The following KIAA1328 variants were observed in gnomAD, a reference collection of about 807,000 sequenced individuals.
KIAA1328 encodes protein hinderin.
KIAA1328 carries 52 observed loss-of-function variants against 68.1 expected under a neutral mutation model. The ratio of observed to expected loss-of-function variants is 0.76; its 90% CI spans 0.61 to 0.96. KIAA1328 has a LOEUF of 0.96. KIAA1328 is among the 40% of genes least tolerant of loss of function. The pLI, the probability that KIAA1328 is intolerant of heterozygous loss-of-function variation, is 0.00. For synonymous variants in KIAA1328, 232 were observed against 239.4 expected, an observed-to-expected ratio of 0.97 and a Z score of 0.28; for missense variants, 641 against 677.6, an observed-to-expected ratio of 0.95 and a Z score of 0.60.
intron 5 of KIAA1328, among the ~76,000 whole-genome samples, chr18:36,907,385 A>G (rs1249823915): frequency 6.6e-6 from 1 of 152,068 alleles, no homozygotes; most frequent in Non-Finnish European, 1.5e-5. Flanking sequence ...TGGAAAAGCA[A>G]ATTACTCTCT....
chr18:36,834,112 A>C (rs1442395949), intron 1 of KIAA1328: 37 of 773,656 alleles, frequency 4.8e-5, no homozygotes, highest in African/African-American at 7.2e-5. Context: ...CTTTTAGAGA[A>C]TATTAATTTT....
intron 7 of KIAA1328, among the ~76,000 whole-genome samples, chr18:37,076,841 A>G (rs532422871): frequency 6.6e-6 from 1 of 152,232 alleles, no homozygotes; most frequent in East Asian, 1.9e-4. Context: ...GGCAATAATC[A>G]ATAGCTTACC....
intron 7 of KIAA1328, among the ~76,000 whole-genome samples, chr18:37,103,834 ACACACT>A (rs1427595705): frequency 6.6e-6 from 1 of 151,532 alleles, no homozygotes; most frequent in Non-Finnish European, 1.5e-5. Flanking sequence ...ACACACACAC[ACACACT>A]CCCATCTAAA....
chr18:36,879,451 G>T (rs571976737), intron 4 of KIAA1328, among the ~76,000 whole-genome samples: 1 of 152,038 alleles, frequency 6.6e-6, no homozygotes, highest in South Asian at 2.1e-4. Context: ...TATATGAGGT[G>T]TCTGTCAACC....
Position 37,223,643 on chromosome 18 carries a change from C to T in KIAA1328, c.*1416C>T. Reference sequence around the variant, plus strand: ...GTGTTGGTAGACAAAGTCATACCACCCAGGGCAGCCTGCATGCAGCGAGTC... The same window carrying T: ...GTGTTGGTAGACAAAGTCATACCACTCAGGGCAGCCTGCATGCAGCGAGTC... On this transcript the variant is annotated 3_prime_UTR_variant, in exon 10 of 10. Coordinates refer to ENST00000280020, the MANE Select transcript of KIAA1328 (RefSeq NM_020776.3). 1.0e-6 allele frequency: 1 copy of T among 985,336 alleles called. No individual in the cohort carries two copies. 61.0% of individuals were successfully genotyped at this position (985,336 alleles called of 1,614,324 possible).
chr18:36,922,571 G>C (rs1488342449), intron 5 of KIAA1328, among the ~76,000 whole-genome samples: 22 of 152,128 alleles, frequency 1.4e-4, no homozygotes, highest in Admixed American at 1.4e-3. Flanking sequence ...TTTATTGTAG[G>C]ATGCTTTTTT....
chr18:36,923,582 T>C (rs1471513627), intron 5 of KIAA1328, among the ~76,000 whole-genome samples: 1 of 152,154 alleles, frequency 6.6e-6, no homozygotes, highest in Non-Finnish European at 1.5e-5. Flanking sequence ...TGTATATCAT[T>C]AAAGAAATTG....
chr18:36,885,830 C>T (rs2048481963), intron 5 of KIAA1328, 158 bp downstream of exon 5: 5 of 539,964 alleles, frequency 9.3e-6, no homozygotes, highest in Admixed American at 7.5e-5. Flanking sequence ...GATTCTCCTA[C>T]CTCAGCCTCC....
At chr18:36,845,659 AAG>A (rs1028975665) in intron 4 of KIAA1328, among the ~76,000 whole-genome samples, 1 of 151,836 alleles carries the variant, frequency 6.6e-6, no homozygotes, top group Non-Finnish European at 1.5e-5. Context: ...TGGGTAAAAA[AAG>A]GGGAAAAAGT....
chr18:37,034,820 T>C (rs1261994515), intron 6 of KIAA1328, among the ~76,000 whole-genome samples: 1 of 152,188 alleles, frequency 6.6e-6, no homozygotes. Context: ...AGTAAAACAT[T>C]CAGTCAACAT....
chr18:37,099,421 TG>T (rs2057526395), intron 7 of KIAA1328, among the ~76,000 whole-genome samples: 1 of 152,234 alleles, frequency 6.6e-6, no homozygotes, highest in African/African-American at 2.4e-5. Flanking sequence ...CTAGTTTGAT[TG>T]CACTGTGGTC....
intron 4 of KIAA1328, among the ~76,000 whole-genome samples, chr18:36,850,470 G>A (rs1193781202): frequency 3.9e-5 from 6 of 152,028 alleles, no homozygotes; most frequent in African/African-American, 1.2e-4. Flanking sequence ...GTGGATGCCT[G>A]AAACTGCTGA....
chr18:36,919,190 T>C (rs2151100468), intron 5 of KIAA1328, among the ~76,000 whole-genome samples: 1 of 152,360 alleles, frequency 6.6e-6, no homozygotes, highest in East Asian at 1.9e-4. Flanking sequence ...TACTTGTTAA[T>C]ACTTCTCATG....
At chr18:37,010,441 T>TAAAAAAACAAAAAAA (rs2053937819) in intron 6 of KIAA1328, among the ~76,000 whole-genome samples, 1 of 90,308 alleles carries the variant, frequency 1.1e-5, no homozygotes, top group Non-Finnish European at 2.0e-5. Context: ...AGACACCATC[T>TAAAAAAACAAAAAAA]AAAAAAAAAA....
At chr18:36,949,004 T>C (rs1007392084) in intron 5 of KIAA1328, among the ~76,000 whole-genome samples, 2 of 152,188 alleles carry the variant, frequency 1.3e-5, no homozygotes, top group Admixed American at 1.3e-4. Flanking sequence ...TTTTCCATAG[T>C]CTATATTGTC....
In KIAA1328 at chr18:37,033,582, G is replaced by C. The variant is rs148807988; in HGVS notation, c.577-33308G>C. On this transcript the variant is annotated intron_variant, in intron 6 of 9. Coordinates refer to ENST00000280020, the MANE Select transcript of KIAA1328 (RefSeq NM_020776.3). ...CATCTCCTTGTACTGTGTGACTTCTGGGAAGTGTTTCATTTACAACTCCCT... is the reference window on the plus strand; with the variant it reads ...CATCTCCTTGTACTGTGTGACTTCTCGGAAGTGTTTCATTTACAACTCCCT... 2.9e-3 allele frequency among the ~76,000 whole-genome samples: 445 copies of C among 152,234 alleles called. 3 individuals are homozygous for C. The highest frequency in any genetic ancestry group is 4.9e-3 in the Non-Finnish European group (330 of 68,014).
intron 6 of KIAA1328, among the ~76,000 whole-genome samples, chr18:37,036,225 A>G (rs1568321164): frequency 6.6e-6 from 1 of 152,216 alleles, no homozygotes; most frequent in Non-Finnish European, 1.5e-5. Flanking sequence ...TTTCTGGAGC[A>G]TTGAAAGGTA....
chr18:37,019,220 G>A (rs2054256156), intron 6 of KIAA1328, among the ~76,000 whole-genome samples: 1 of 149,644 alleles, frequency 6.7e-6, no homozygotes, highest in South Asian at 2.2e-4. Context: ...TTTGGCTTTT[G>A]GCTTTGCTTC....
chr18:37,143,821 T>G (rs756404563), intron 7 of KIAA1328, among the ~76,000 whole-genome samples: 68 of 152,228 alleles, frequency 4.5e-4, no homozygotes, highest in Non-Finnish European at 8.7e-4. Flanking sequence ...GTGGTACCAC[T>G]TACCTGAATT....
Sources: allele counts gnomAD v4.1 joint callset (sites outside exome capture counted in the v4.1 genomes callset), GRCh38; gene constraint gnomAD v4.1.1; transcripts MANE v1.5; gene names NCBI Gene and HGNC (gene_info 2026-07-23, HGNC 2026-07-21).